Variants in TPM2 observed in about 807,000 individuals in gnomAD.
The protein encoded by TPM2 is tropomyosin beta chain.
Under a neutral mutation model 41.0 loss-of-function variants are expected in TPM2, and 26 were observed. That is an observed-to-expected ratio of 0.63 (90% CI 0.46 to 0.88). The LOEUF (loss-of-function observed/expected upper bound fraction) is 0.88, where lower values mean the gene tolerates loss of function less well. TPM2 is among the 40% of genes least tolerant of loss of function. The probability of loss-of-function intolerance (pLI) is 0.00; values close to 1 mark genes in which losing one functional copy is unlikely to be tolerated. For missense variants in TPM2, 187 were observed against 355.2 expected, an observed-to-expected ratio of 0.53 and a Z score of 3.81; for synonymous variants, 143 against 139.3, an observed-to-expected ratio of 1.03 and a Z score of -0.19.
downstream of TPM2, chr9:35,682,797 T>C (rs927746904): frequency 3.7e-6 from 5 of 1,355,226 alleles, no homozygotes; most frequent in Non-Finnish European, 4.9e-6. Context: ...GGTTTCAGCG[T>C]GGGCCATGGT....
At chr9:35,684,445 G>T in intron 7 of TPM2, 43 bp downstream of exon 7, 1 of 1,613,460 alleles carries the variant, frequency 6.2e-7, no homozygotes, top group South Asian at 1.1e-5. Context: ...GCAAGGATTA[G>T]GGTGGCTTGA....
At chr9:35,684,832 G>T (rs778589785) in intron 5 of TPM2, 25 bp from the exon 6 acceptor site, 2 of 1,613,628 alleles carry the variant, frequency 1.2e-6, no homozygotes, top group Middle Eastern at 1.6e-4. Context: ...TGGCGGGGGG[G>T]GCAGGGTGTG....
In TPM2 at chr9:35,685,618, GGACCATCCTCCCC is replaced by G; in HGVS notation, c.374+16_374+28del. 1 of 1,614,044 alleles carries G rather than the reference GGACCATCCTCCCC, an allele frequency of 6.2e-7. No individual in the cohort carries two copies. Among genetic ancestry groups the G allele is most frequent in the Non-Finnish European group, 8.5e-7 (1 of 1,179,992 alleles). On this transcript the variant is annotated intron_variant, in intron 3 of 8. Coordinates refer to ENST00000645482, the MANE Select transcript of TPM2 (RefSeq NM_003289.4). The surrounding 1 kb of genome is among the most constrained non-coding windows in gnomAD (Gnocchi z 5.0). ...AGAGACAGGCTCCCTTCTCCCTCCC[GGACCATCCTCCCC>G]GAGGCCCCTGACCACCTCTCGCTCT...
chr9:35,682,737 C>T (rs965900230), downstream of TPM2: 12 of 1,318,194 alleles, frequency 9.1e-6, no homozygotes, highest in African/African-American at 1.7e-4. Flanking sequence ...CACGTGCCCA[C>T]ATGCAGTGGT....
chr9:35,688,775 C>T (rs1235330777), intron 2 of TPM2, among the ~76,000 whole-genome samples: 1 of 152,140 alleles, frequency 6.6e-6, no homozygotes, highest in East Asian at 1.9e-4. Context: ...CATCCACATC[C>T]CCCCATCCCC....
rs762751977 is a variant in TPM2 at position 35,685,245 on chromosome 9, C to T, written c.563+24G>A. On this transcript the variant is annotated intron_variant, in intron 5 of 8. Transcript: ENST00000645482. This position sits in a 1 kb window ranked among gnomAD's most constrained non-coding sequence, Gnocchi z 5.0. ...GAAGGCCCCAGGGCCAATGGGCTCA[C>T]TTGTCACCCCCGGGTATCTTTACCT... 16 of 1,614,208 alleles carry T rather than the reference C, an allele frequency of 9.9e-6. No individual in the cohort carries two copies. The Admixed American group carries it at 2.7e-4, about 27-fold the overall frequency.
At chr9:35,687,275 C>T (rs1008326123) in intron 2 of TPM2, among the ~76,000 whole-genome samples, 53 of 152,070 alleles carry the variant, frequency 3.5e-4, no homozygotes, top group African/African-American at 1.1e-3. Context: ...TTAAAGCCCC[C>T]GAGTGATTCT....
upstream of TPM2, chr9:35,689,938 C>G (rs1825164385): frequency 6.3e-7 from 1 of 1,583,100 alleles, no homozygotes; most frequent in African/African-American, 1.3e-5. Flanking sequence ...GACGTCCCGG[C>G]CACGCGGGCG....
rs1059284 is a variant in TPM2 at position 35,685,111 on chromosome 9, G to C, written c.563+158C>G. 6.2e-7 allele frequency: 1 copy of C among 1,614,162 alleles called. No individual in the cohort carries two copies. Among genetic ancestry groups the C allele is most frequent in the Non-Finnish European group, 8.5e-7 (1 of 1,180,028 alleles). On this transcript the variant is annotated intron_variant, in intron 5 of 8. Coordinates refer to ENST00000645482, the MANE Select transcript of TPM2 (RefSeq NM_003289.4). This position sits in a 1 kb window ranked among gnomAD's most constrained non-coding sequence, Gnocchi z 5.0. ...GACTTGAGGGCCTGGTCCATGGTTC[G>C]AAGTTCCTCCTCCAGCTGTCTGGCT... is the stretch of plus-strand genomic sequence containing the variant.
intron 8 of TPM2, 85 bp downstream of exon 8, chr9:35,684,161 G>C (rs988440517): frequency 2.8e-5 from 39 of 1,407,504 alleles, no homozygotes; most frequent in Non-Finnish European, 3.6e-5. Context: ...CTAGTTTATT[G>C]GTGGCAAATA....
At chr9:35,684,839 T>A (rs1204150265) in intron 5 of TPM2, 32 bp from the exon 6 acceptor site, 1 of 1,610,654 alleles carries the variant, frequency 6.2e-7, no homozygotes, top group East Asian at 2.2e-5. Flanking sequence ...GGGGGCAGGG[T>A]GTGAGGGCAC....
chr9:35,683,878 G>T (rs1292718183), intron 8 of TPM2, among the ~76,000 whole-genome samples: 1 of 152,212 alleles, frequency 6.6e-6, no homozygotes, highest in African/African-American at 2.4e-5. Flanking sequence ...GGACGGAATT[G>T]TCTATAAGGG....
rs1213728938 is a variant in TPM2 at position 35,685,037 on chromosome 9, C to T, written c.564-230G>A. On this transcript the variant is annotated intron_variant, in intron 5 of 8. Coordinates refer to ENST00000645482, the MANE Select transcript of TPM2 (RefSeq NM_003289.4). The surrounding 1 kb of genome is among the most constrained non-coding windows in gnomAD (Gnocchi z 5.0). The stretch of plus-strand genomic sequence containing the variant: ...GGTGAGCTGAGAGAAGGCGCCATTG[C>T]CCAGAAAGGTTCAGAGGGGTCACTA... 9.9e-6 allele frequency: 16 copies of T among 1,614,040 alleles called. No homozygotes were observed. The Admixed American group carries it at 2.5e-4, about 25-fold the overall frequency.
At chr9:35,682,232 G>A (rs1012846509), downstream of TPM2, 205 of 1,529,546 alleles carry the variant, frequency 1.3e-4, no homozygotes, top group East Asian at 7.7e-4. Flanking sequence ...GCAGGGCCAG[G>A]GGAAGGTGAC....
chr9:35,685,619 G>A lies in TPM2; in HGVS notation c.374+28C>T, dbSNP rs1417381316. 6.2e-7 allele frequency: 1 copy of A among 1,614,064 alleles called. No individual in the cohort carries two copies. On this transcript the variant is annotated intron_variant, in intron 3 of 8. Coordinates refer to ENST00000645482, the MANE Select transcript of TPM2 (RefSeq NM_003289.4). The surrounding 1 kb of genome is among the most constrained non-coding windows in gnomAD (Gnocchi z 5.0). ...GAGACAGGCTCCCTTCTCCCTCCCG[G>A]ACCATCCTCCCCGAGGCCCCTGACC...
At chr9:35,682,781 C>T, downstream of TPM2, 1 of 1,338,874 alleles carries the variant, frequency 7.5e-7, no homozygotes, top group Admixed American at 2.3e-5. Flanking sequence ...AGTGCCTGTG[C>T]AGAGGGGTTT....
intron 2 of TPM2, among the ~76,000 whole-genome samples, chr9:35,688,623 C>T (rs1825073924): frequency 6.6e-6 from 1 of 152,188 alleles, no homozygotes; most frequent in Non-Finnish European, 1.5e-5. Context: ...CCATTAGAAC[C>T]TGAGCTGGGG....
At chr9:35,689,568 G>T (rs988047944) in intron 1 of TPM2, 136 bp downstream of exon 1, 1 of 1,499,570 alleles carries the variant, frequency 6.7e-7, no homozygotes, top group East Asian at 2.3e-5. Flanking sequence ...GGCCCTGAGG[G>T]TACTGCGAAG....
chr9:35,685,564 G>A lies in TPM2; in HGVS notation c.375-13C>T, dbSNP rs761810825. ...GACCTTCATTCCTCTGAAAGGCAGGGAGAGGGTGAGCGTAGGGTCAGGACC... is the reference window on the plus strand; with the variant it reads ...GACCTTCATTCCTCTGAAAGGCAGGAAGAGGGTGAGCGTAGGGTCAGGACC... On this transcript the variant is annotated splice_polypyrimidine_tract_variant and intron_variant, in intron 3 of 8. Coordinates refer to ENST00000645482, the MANE Select transcript of TPM2 (RefSeq NM_003289.4). The surrounding 1 kb of genome is among the most constrained non-coding windows in gnomAD (Gnocchi z 5.0). 41 of 1,614,072 alleles carry A rather than the reference G, an allele frequency of 2.5e-5. No individual in the cohort carries two copies. Among genetic ancestry groups the A allele is most frequent in the Non-Finnish European group, 3.4e-5 (40 of 1,180,028 alleles).
Sources: gnomAD v4.1 joint callset for allele counts (sites outside exome capture counted in the v4.1 genomes callset) on GRCh38, gnomAD v4.1.1 for gene constraint, Gnocchi (gnomAD v3.1) non-coding constraint, MANE v1.5 for transcripts, NCBI Gene and HGNC (gene_info 2026-07-23, HGNC 2026-07-21) for gene names.